MTHFD1L: variants seen among roughly 807,000 people sequenced by gnomAD.
MTHFD1L encodes methylenetetrahydrofolate dehydrogenase (NADP+ dependent) 1 like.
A neutral mutation model predicts 119.5 loss-of-function variants in MTHFD1L; 81 were observed. The observed-to-expected ratio is 0.68, with a 90% confidence interval of 0.57 to 0.82. The LOEUF (loss-of-function observed/expected upper bound fraction) is 0.82. Among genes scored for constraint, MTHFD1L ranks in the 40% least tolerant of loss-of-function variants. MTHFD1L has a pLI of 0.00. For synonymous variants in MTHFD1L, 430 were observed against 475.2 expected, an observed-to-expected ratio of 0.90 and a Z score of 1.24; for missense variants, 1,125 against 1,253.4, an observed-to-expected ratio of 0.90 and a Z score of 1.55.
intron 25 of MTHFD1L, among the ~76,000 whole-genome samples, chr6:151,036,360 A>G (rs1786165979): frequency 6.6e-6 from 1 of 152,160 alleles, no homozygotes; most frequent in Non-Finnish European, 1.5e-5. Context: ...CTTTGAGGAC[A>G]CTGTGCTTTT....
chr6:150,885,432 G>A (rs1331982795), intron 5 of MTHFD1L, among the ~76,000 whole-genome samples: 1 of 152,160 alleles, frequency 6.6e-6, no homozygotes, highest in African/African-American at 2.4e-5. Context: ...CTGACCTCAT[G>A]TGATCCACCC....
chr6:150,866,405 C>G (rs1252933247), intron 1 of MTHFD1L: 6 of 1,363,502 alleles, frequency 4.4e-6, no homozygotes, highest in Non-Finnish European at 5.6e-6. Context: ...GGCGGTGCGG[C>G]TGGGGCGGAA....
intron 4 of MTHFD1L, among the ~76,000 whole-genome samples, chr6:150,880,800 G>T (rs117507018): frequency 1.2e-3 from 186 of 152,276 alleles, no homozygotes; most frequent in Non-Finnish European, 1.9e-3. Context: ...ATTCTAGCTT[G>T]ATATCTCATT....
intron 13 of MTHFD1L, among the ~76,000 whole-genome samples, chr6:150,939,750 T>C (rs1287596682): frequency 6.8e-6 from 1 of 146,040 alleles, no homozygotes; most frequent in Non-Finnish European, 1.5e-5. Flanking sequence ...AGTGGCACAG[T>C]CTCGGCTCAC....
rs536657885 is a variant in MTHFD1L at position 150,926,348 on chromosome 6, T to C, written c.1256+53T>C. On this transcript the variant is annotated intron_variant, in intron 11 of 27. Coordinates refer to ENST00000367321, the MANE Select transcript of MTHFD1L (RefSeq NM_015440.5). The surrounding 1 kb of genome is among the most constrained non-coding windows in gnomAD (Gnocchi z 4.3). ...TCAAGCAGACATATTTACAAAACTC[T>C]TCCCTATTTATCTCTCTCCTCGTAC... 4.3e-5 allele frequency: 65 copies of C among 1,513,464 alleles called. No homozygotes were observed. The East Asian group carries it at 1.4e-3, about 33-fold the overall frequency. 93.8% of individuals were successfully genotyped at this position (1,513,464 alleles called of 1,614,324 possible).
intron 20 of MTHFD1L, among the ~76,000 whole-genome samples, chr6:150,974,991 G>C (rs1224052584): frequency 1.3e-5 from 2 of 152,054 alleles, no homozygotes; most frequent in African/African-American, 4.8e-5. Context: ...ACCCATATCA[G>C]CCTCCCAAAG....
chr6:150,987,131 A>C (rs573032447), intron 20 of MTHFD1L, among the ~76,000 whole-genome samples: 77 of 152,306 alleles, frequency 5.1e-4, no homozygotes, highest in Middle Eastern at 6.8e-3. Flanking sequence ...TTGCAAAAAT[A>C]ATATAGTATT....
Position 150,866,022 on chromosome 6 carries a change from C to T in MTHFD1L, c.200C>T (p.Thr67Met). Residue 67 changes from threonine (T) to methionine (M), a missense_variant, in exon 1 of 28, where the codon ACG becomes ATG. Thr to Met is a moderately conservative substitution (Grantham distance 81). Transcript: ENST00000367321. ...ARSSCSPGGR[T>M]PAARDSIVRE... ...AGCAGCTGCAGCCCCGGCGGCCGAA[C>T]GCCCGCGGCGCGGGACTCCATCGTC... The T allele has an allele frequency of 5.0e-6, 7 of 1,401,586 alleles. No individual in the cohort carries two copies. The highest frequency in any genetic ancestry group is 5.5e-6 in the Non-Finnish European group (6 of 1,082,726). The allele number at this position is 1,401,586 out of a possible 1,614,324, so 86.8% of individuals were successfully genotyped here. A position where few individuals can be genotyped will look rare whatever the true frequency, so the allele number is the denominator to read the frequency against.
intron 24 of MTHFD1L, among the ~76,000 whole-genome samples, chr6:151,020,816 G>A (rs922635094): frequency 5.3e-5 from 8 of 152,112 alleles, no homozygotes; most frequent in African/African-American, 1.9e-4. Flanking sequence ...CGTTCACTAA[G>A]AGAATATCTC....
chr6:150,886,867 G>A (rs547179413), intron 6 of MTHFD1L, among the ~76,000 whole-genome samples: 1 of 151,414 alleles, frequency 6.6e-6, no homozygotes, highest in Non-Finnish European at 1.5e-5. Flanking sequence ...GTGGTGACTT[G>A]TGCCTGTAGT....
intron 20 of MTHFD1L, among the ~76,000 whole-genome samples, chr6:150,997,099 GCTGTCCCAGCT>G (rs371455735): frequency 3.3e-5 from 5 of 152,226 alleles, no homozygotes; most frequent in South Asian, 2.1e-4. Context: ...TCTCCTGGGC[GCTGTCCCAGCT>G]CTGTCCCAGC....
At chr6:151,043,073 A>G in intron 26 of MTHFD1L, among the ~76,000 whole-genome samples, 1 of 152,128 alleles carries the variant, frequency 6.6e-6, no homozygotes. Context: ...AAGAGCTAGA[A>G]CGTTTCCATA....
intron 20 of MTHFD1L, among the ~76,000 whole-genome samples, chr6:150,999,813 A>G (rs1780351644): frequency 6.6e-6 from 1 of 152,244 alleles, no homozygotes; most frequent in Admixed American, 6.5e-5. Flanking sequence ...GAGTTCTGAC[A>G]CAAAAGCACG....
intron 20 of MTHFD1L, among the ~76,000 whole-genome samples, chr6:150,975,875 C>G (rs1334841383): frequency 6.6e-6 from 1 of 152,202 alleles, no homozygotes; most frequent in African/African-American, 2.4e-5. Context: ...GTACCACAGA[C>G]CTCTGACCTC....
Position 150,894,084 on chromosome 6 carries a change from G to C in MTHFD1L, c.780+6103G>C, listed in dbSNP as rs969368122. 3.9e-5 allele frequency among the ~76,000 whole-genome samples: 6 copies of C among 151,982 alleles called. 1 individual carries two copies. Among genetic ancestry groups the C allele is most frequent in the East Asian group, 3.9e-4 (2 of 5,182 alleles). ...ATGGCGAAACTCCATCTCTAAAAAA[G>C]TACAAAAATTAGCCAGGCGTGGTGG... On this transcript the variant is annotated intron_variant, in intron 7 of 27. Transcript: ENST00000367321.
chr6:150,866,565 T>G, intron 1 of MTHFD1L: 10 of 1,223,530 alleles, frequency 8.2e-6, no homozygotes, highest in African/African-American at 1.6e-5. Flanking sequence ...TTGTGCGCCC[T>G]TCCCCGCGCG....
In MTHFD1L at chr6:151,083,115, T is replaced by C. The variant is rs562070819; in HGVS notation, c.2848-9352T>C. Among the ~76,000 whole-genome samples the C allele has an allele frequency of 2.0e-5, 3 of 152,294 alleles. No homozygotes were observed. In the East Asian group the frequency reaches 5.8e-4, roughly 29 times the overall value. On this transcript the variant is annotated intron_variant, in intron 26 of 27. Coordinates refer to ENST00000367321, the MANE Select transcript of MTHFD1L (RefSeq NM_015440.5). Reference sequence around the variant, plus strand: ...TTGTCTCATAGTGTTGTTGAAAGGCTCAGGTGTGATCATTACAGTGAAATA... The same window carrying C: ...TTGTCTCATAGTGTTGTTGAAAGGCCCAGGTGTGATCATTACAGTGAAATA...
chr6:150,953,608 T>C (rs1357524004), intron 16 of MTHFD1L, among the ~76,000 whole-genome samples: 2 of 152,224 alleles, frequency 1.3e-5, no homozygotes, highest in African/African-American at 4.8e-5. Context: ...TCTTGTGGGC[T>C]GGAATTTAAC....
intron 24 of MTHFD1L, among the ~76,000 whole-genome samples, chr6:151,021,667 T>C (rs570201309): frequency 1.7e-4 from 26 of 152,362 alleles, no homozygotes; most frequent in African/African-American, 5.5e-4. Flanking sequence ...TAACTCAAGG[T>C]AACTTTGTCA....
Sources: gnomAD v4.1 joint callset for allele counts (sites outside exome capture counted in the v4.1 genomes callset) on GRCh38, gnomAD v4.1.1 for gene constraint, Gnocchi (gnomAD v3.1) non-coding constraint, MANE v1.5 for transcripts, NCBI Gene and HGNC (gene_info 2026-07-23, HGNC 2026-07-21) for gene names.